Variants in ZNF532 observed in about 807,000 individuals in gnomAD.
The protein encoded by ZNF532 is zinc finger protein 532.
ZNF532 carries 22 observed loss-of-function variants against 89.3 expected under a neutral mutation model. The observed-to-expected ratio is 0.25, with a 90% CI of 0.18 to 0.35. The LOEUF (loss-of-function observed/expected upper bound fraction) is 0.35. ZNF532 is among the 10% of genes least tolerant of loss of function. The pLI, the probability that ZNF532 is intolerant of heterozygous loss-of-function variation, is 1.00. For missense variants in ZNF532, 1,132 were observed against 1,643.4 expected (o/e 0.69, Z 5.38); for synonymous variants, 606 against 649.6 (o/e 0.93, Z 1.02).
At chr18:58,947,990 T>A (rs2063804363) in intron 5 of ZNF532, 77 bp from the exon 6 acceptor site, 2 of 1,415,618 alleles carry the variant, frequency 1.4e-6, no homozygotes, top group African/African-American at 1.4e-5. Flanking sequence ...CCTCCCAAGT[T>A]CTTCAGCTAT....
intron 2 of ZNF532, among the ~76,000 whole-genome samples, chr18:58,890,271 T>C (rs1411609388): frequency 1.3e-5 from 2 of 151,274 alleles, no homozygotes; most frequent in Admixed American, 6.6e-5. Flanking sequence ...TACACACACA[T>C]ACATATATAT....
chr18:58,965,614 G>T (rs944923122), intron 7 of ZNF532, among the ~76,000 whole-genome samples: 3 of 152,168 alleles, frequency 2.0e-5, no homozygotes, highest in Non-Finnish European at 4.4e-5. Context: ...GTTAAAGTTG[G>T]TTATGCCATC....
At chr18:58,889,516 T>G (rs1321366679) in intron 2 of ZNF532, among the ~76,000 whole-genome samples, 1 of 152,204 alleles carries the variant, frequency 6.6e-6, no homozygotes, top group Non-Finnish European at 1.5e-5. Flanking sequence ...ATACAAACTC[T>G]TGGCCGGGTG....
chr18:58,893,562 G>A (rs1268655168), intron 2 of ZNF532, among the ~76,000 whole-genome samples: 1 of 151,576 alleles, frequency 6.6e-6, no homozygotes, highest in Non-Finnish European at 1.5e-5. Context: ...AGGCTGAGGT[G>A]GGGAGGATCG....
At chr18:58,865,922 T>G (rs2056414686) in intron 2 of ZNF532, among the ~76,000 whole-genome samples, 2 of 152,298 alleles carry the variant, frequency 1.3e-5, no homozygotes, top group Non-Finnish European at 2.9e-5. Context: ...TCCCGATGAT[T>G]ATAAGAAAAG....
In ZNF532 at chr18:58,888,711, A is replaced by ATT. The variant is rs1395517471; in HGVS notation, c.-18+23133_-18+23134insTT. Among the ~76,000 whole-genome samples, 13 of 12,750 alleles carry ATT rather than the reference A, an allele frequency of 1.0e-3. 1 individual carries two copies. The highest frequency in any genetic ancestry group is 2.6e-3 in the African/African-American group (10 of 3,776). 8.4% of individuals were successfully genotyped at this position (12,750 alleles called of 152,430 possible). ...CAAAAAAAAAATTATATATATATATATATATATATATATAAATTATATATA... is the reference window on the plus strand; with the variant it reads ...CAAAAAAAAAATTATATATATATATATTTATATATATATATAAATTATATATA... On this transcript the variant is annotated intron_variant, in intron 2 of 9. Coordinates refer to ENST00000591808, the MANE Select transcript of ZNF532 (RefSeq NM_001375912.1).
chr18:58,980,692 G>A (rs1039219661), intron 8 of ZNF532: 2 of 152,182 alleles, frequency 1.3e-5, no homozygotes, highest in African/African-American at 4.8e-5. Flanking sequence ...ACCCAGGCTG[G>A]AGTGCAATGG....
In ZNF532 at chr18:58,981,620, C is replaced by T; in HGVS notation, c.3411+3C>T. On this transcript the variant is annotated splice_donor_region_variant and intron_variant, in intron 9 of 9. Transcript: ENST00000591808. ...CAGAAATAAAAGAAGACACTAAGGTCTAACATTGCAGATGTTTGCTTTACA... is the reference window on the plus strand; with the variant it reads ...CAGAAATAAAAGAAGACACTAAGGTTTAACATTGCAGATGTTTGCTTTACA... The T allele has an allele frequency of 1.9e-6, 3 of 1,614,020 alleles. No individual in the cohort carries two copies. Among genetic ancestry groups the T allele is most frequent in the South Asian group, 1.1e-5 (1 of 91,046 alleles).
In ZNF532 at chr18:58,948,237, T is replaced by C; in HGVS notation, c.2868+8T>C. On this transcript the variant is annotated splice_region_variant and intron_variant, in intron 6 of 9. Transcript: ENST00000591808. ...ATGATGGACCATATCAAGGTGTGTG[T>C]GCATCTATCCTCTACTTTAAATGAA... 1 of 1,604,240 alleles carries C rather than the reference T, an allele frequency of 6.2e-7. No homozygotes were observed. The highest frequency in any genetic ancestry group is 8.5e-7 in the Non-Finnish European group (1 of 1,175,464).
chr18:58,894,636 G>T (rs758909034), intron 2 of ZNF532, among the ~76,000 whole-genome samples: 1 of 152,008 alleles, frequency 6.6e-6, no homozygotes, highest in African/African-American at 2.4e-5. Context: ...CTTCCCTAAG[G>T]AAGTAATTAA....
chr18:58,974,615 A>G (rs1257391969), intron 7 of ZNF532, among the ~76,000 whole-genome samples: 2 of 152,234 alleles, frequency 1.3e-5, no homozygotes, highest in African/African-American at 2.4e-5. Flanking sequence ...TCCCTGAGAA[A>G]TACCAAGTGA....
intron 2 of ZNF532, among the ~76,000 whole-genome samples, chr18:58,901,683 A>G (rs975209449): frequency 2.0e-5 from 3 of 152,192 alleles, no homozygotes; most frequent in Admixed American, 2.0e-4. Context: ...ACAAGTGACG[A>G]TGAGTCCACC....
rs7343016 is a variant in ZNF532, at chr18:58,869,998, C to G, written c.-18+4419C>G. ...GGTCAGGCTGGTCTCGAACTCCTGA[C>G]CTTGTGATCCGCCCGCCTCAACCTC... On this transcript the variant is annotated intron_variant, in intron 2 of 9. Transcript: ENST00000591808. Among the ~76,000 whole-genome samples, 41 of 150,338 alleles carry G rather than the reference C, an allele frequency of 2.7e-4. No individual in the cohort carries two copies. The East Asian group carries it at 8.0e-3, about 29-fold the overall frequency.
At chr18:58,950,199 G>T (rs192923779) in intron 6 of ZNF532, among the ~76,000 whole-genome samples, 39 of 152,264 alleles carry the variant, frequency 2.6e-4, no homozygotes, top group Admixed American at 2.5e-3. Flanking sequence ...CTGGAAGTCG[G>T]GTCATCGACT....
chr18:58,981,690 C>T (rs1490246657), intron 9 of ZNF532, 73 bp downstream of exon 9: 2 of 1,576,964 alleles, frequency 1.3e-6, no homozygotes, highest in Non-Finnish European at 1.7e-6. Context: ...TTTTTCCTTT[C>T]AAGTTTTTGT....
intron 7 of ZNF532, among the ~76,000 whole-genome samples, chr18:58,958,064 T>C: frequency 1.3e-5 from 1 of 79,576 alleles, no homozygotes; most frequent in Non-Finnish European, 2.5e-5. Context: ...AGACAATGTG[T>C]CAAAAAAAAA....
chr18:58,938,305 T>C (rs2062644684), intron 4 of ZNF532, among the ~76,000 whole-genome samples: 1 of 152,178 alleles, frequency 6.6e-6, no homozygotes, highest in African/African-American at 2.4e-5. Context: ...AGTTTTCAGG[T>C]GTGAACAAGG....
chr18:58,921,211 C>A (rs1294879083), intron 3 of ZNF532, among the ~76,000 whole-genome samples: 1 of 151,888 alleles, frequency 6.6e-6, no homozygotes, highest in Non-Finnish European at 1.5e-5. Flanking sequence ...TTTTGGTAAT[C>A]GTTTGGTCAT....
At chr18:58,886,802 T>C (rs1315790000) in intron 2 of ZNF532, among the ~76,000 whole-genome samples, 2 of 152,166 alleles carry the variant, frequency 1.3e-5, no homozygotes, top group African/African-American at 4.8e-5. Context: ...CATCCAGATA[T>C]AGCACATAGA....
Sources: gnomAD v4.1 joint callset for allele counts (sites outside exome capture counted in the v4.1 genomes callset) on GRCh38, gnomAD v4.1.1 for gene constraint, MANE v1.5 for transcripts, NCBI Gene and HGNC (gene_info 2026-07-23, HGNC 2026-07-21) for gene names.